CBLB: variants seen among roughly 807,000 people sequenced by gnomAD.
The protein encoded by CBLB is Cbl proto-oncogene B.
Under a neutral mutation model 104.9 loss-of-function variants are expected in CBLB, and 31 were observed. That is an observed-to-expected ratio of 0.30 (90% confidence interval 0.22 to 0.40). The LOEUF is 0.40. CBLB is among the 10% of genes least tolerant of loss of function. CBLB has a pLI of 1.00. For missense variants in CBLB, 1,062 were observed against 1,214.6 expected (o/e 0.87, Z 1.87); for synonymous variants, 440 against 422.6 (o/e 1.04, Z -0.51).
At chr3:105,789,695 C>T (rs1311440973) in intron 3 of CBLB, among the ~76,000 whole-genome samples, 1 of 152,164 alleles carries the variant, frequency 6.6e-6, no homozygotes, top group Non-Finnish European at 1.5e-5. Context: ...ATAGACCTAA[C>T]AGCAGTGTCT....
chr3:105,661,216 T>G (rs1301257941), intron 18 of CBLB, among the ~76,000 whole-genome samples: 2 of 152,226 alleles, frequency 1.3e-5, no homozygotes, highest in Non-Finnish European at 2.9e-5. Flanking sequence ...TAAGAACATA[T>G]AATTTCTGGT....
chr3:105,743,236 T>C (rs527651672), intron 6 of CBLB, among the ~76,000 whole-genome samples: 49 of 152,100 alleles, frequency 3.2e-4, no homozygotes, highest in African/African-American at 1.2e-3. Flanking sequence ...GCAAGGTGGA[T>C]CATTTGAGGC....
intron 6 of CBLB, 62 bp downstream of exon 6, chr3:105,745,855 A>C: frequency 6.6e-7 from 1 of 1,522,442 alleles, no homozygotes. Flanking sequence ...ACTTAGGAAC[A>C]AACCATGGAG....
intron 5 of CBLB, among the ~76,000 whole-genome samples, chr3:105,748,366 C>G (rs1030386577): frequency 1.3e-5 from 2 of 152,176 alleles, no homozygotes; most frequent in Non-Finnish European, 2.9e-5. Flanking sequence ...GGACTTTCCT[C>G]TTCTTTGATT....
At chr3:105,718,576 A>G (rs2072267215) in intron 10 of CBLB, among the ~76,000 whole-genome samples, 1 of 152,212 alleles carries the variant, frequency 6.6e-6, no homozygotes, top group Non-Finnish European at 1.5e-5. Context: ...TACGGTGAAT[A>G]CAATCTGATG....
At chr3:105,859,612 G>A (rs1334732892) in intron 2 of CBLB, among the ~76,000 whole-genome samples, 6 of 146,938 alleles carry the variant, frequency 4.1e-5, no homozygotes, top group South Asian at 2.1e-4. Context: ...CCGAGATCGT[G>A]CCACTGCACT....
At chr3:105,738,246 C>T (rs2075163174) in intron 7 of CBLB, among the ~76,000 whole-genome samples, 2 of 152,014 alleles carry the variant, frequency 1.3e-5, no homozygotes, top group South Asian at 4.1e-4. Flanking sequence ...AAATATTTAT[C>T]CTCGAATGAG....
intron 7 of CBLB, among the ~76,000 whole-genome samples, chr3:105,740,258 T>C (rs1250125059): frequency 6.6e-6 from 1 of 152,200 alleles, no homozygotes; most frequent in Non-Finnish European, 1.5e-5. Context: ...ATATGAAAGA[T>C]AAAAATTCAT....
intron 1 of CBLB, chr3:105,868,238 T>C (rs1706430457): frequency 8.1e-7 from 1 of 1,231,694 alleles, no homozygotes; most frequent in Non-Finnish European, 1.0e-6. Flanking sequence ...AAATAGCCCA[T>C]TTGAAAAGAG....
At chr3:105,759,680 C>T (rs989519935) in intron 4 of CBLB, among the ~76,000 whole-genome samples, 1 of 152,234 alleles carries the variant, frequency 6.6e-6, no homozygotes, top group Non-Finnish European at 1.5e-5. Flanking sequence ...TTTGCTCCAT[C>T]CCAGAGCAGG....
chr3:105,699,472 G>A (rs539858341), intron 12 of CBLB, among the ~76,000 whole-genome samples: 1 of 152,220 alleles, frequency 6.6e-6, no homozygotes, highest in Admixed American at 6.5e-5. Flanking sequence ...AAGTAAGGTT[G>A]GGGACAAAGC....
intron 18 of CBLB, among the ~76,000 whole-genome samples, chr3:105,661,095 G>A (rs75796773): frequency 7.9e-5 from 12 of 151,814 alleles, no homozygotes; most frequent in African/African-American, 2.4e-4. Context: ...GAGCCACCAC[G>A]TCCGGCCATG....
chr3:105,727,888 T>C (rs1019088130), intron 9 of CBLB, among the ~76,000 whole-genome samples: 2 of 152,196 alleles, frequency 1.3e-5, no homozygotes, highest in Non-Finnish European at 2.9e-5. Context: ...ATCTATTCTG[T>C]TCCATTGGTC....
At chr3:105,734,386 G>C (rs1040560369) in intron 8 of CBLB, among the ~76,000 whole-genome samples, 1 of 152,032 alleles carries the variant, frequency 6.6e-6, no homozygotes, top group Non-Finnish European at 1.5e-5. Context: ...ATTATTTAAG[G>C]TTCCTTTACT....
intron 3 of CBLB, among the ~76,000 whole-genome samples, chr3:105,792,854 T>G (rs2081845834): frequency 2.0e-5 from 3 of 151,948 alleles, no homozygotes; most frequent in Admixed American, 2.0e-4. Context: ...ACAATCCATC[T>G]GCGGTGTCTA....
intron 7 of CBLB, among the ~76,000 whole-genome samples, chr3:105,738,796 A>C (rs2075229732): frequency 6.6e-6 from 1 of 152,230 alleles, no homozygotes. Flanking sequence ...AATAACCGAC[A>C]CTAGCAAATT....
Position 105,720,248 on chromosome 3 carries a change from C to T in CBLB, c.1206G>A (p.Glu402=), listed in dbSNP as rs371507617. 3 of 1,611,362 alleles carry T rather than the reference C, an allele frequency of 1.9e-6. No homozygotes were observed. The highest frequency in any genetic ancestry group is 2.5e-6 in the Non-Finnish European group (3 of 1,178,702). Residue 402 remains glutamate (E), a splice_region_variant and synonymous_variant, in exon 10 of 19, where the codon GAG becomes GAA. Transcript: ENST00000394030. ...MCTSCLTAWQ[E]SDGQGCPFCR... ...AGAAAGGGCAGCCCTGACCATCCGA[C>T]TCCTAAACAAATAGAAAATGCATGG...
intron 3 of CBLB, among the ~76,000 whole-genome samples, chr3:105,782,869 G>A (rs527679303): frequency 1.4e-4 from 21 of 152,188 alleles, no homozygotes; most frequent in Non-Finnish European, 2.4e-4. Context: ...AACTGAGCCC[G>A]GCCTGTGGTA....
At chr3:105,662,824 C>G (rs1472900386) in intron 18 of CBLB, among the ~76,000 whole-genome samples, 1 of 152,152 alleles carries the variant, frequency 6.6e-6, no homozygotes. Context: ...TTTGATTCAG[C>G]TTTCCTTTTC....
Sources: allele counts gnomAD v4.1 joint callset (sites outside exome capture counted in the v4.1 genomes callset), GRCh38; gene constraint gnomAD v4.1.1; transcripts MANE v1.5; gene names NCBI Gene and HGNC (gene_info 2026-07-23, HGNC 2026-07-21).